CDH13: variants seen among roughly 807,000 people sequenced by gnomAD.
CDH13 encodes cadherin 13.
CDH13 carries 24 observed loss-of-function variants against 63.8 expected under a neutral mutation model. The ratio of observed to expected loss-of-function variants is 0.38; its 90% CI spans 0.27 to 0.53. The LOEUF (loss-of-function observed/expected upper bound fraction) is 0.53, where lower values mean the gene tolerates loss of function less well. Among genes scored for constraint, CDH13 ranks in the 20% least tolerant of loss-of-function variants. CDH13 has a pLI of 0.85. For synonymous variants in CDH13, 503 were observed against 355.3 expected (o/e 1.42, Z -4.67); for missense variants, 1,049 against 903.1 (o/e 1.16, Z -2.07).
At chr16:83,655,771 G>A (rs377610700) in intron 8 of CDH13, among the ~76,000 whole-genome samples, 1 of 152,190 alleles carries the variant, frequency 6.6e-6, no homozygotes, top group Non-Finnish European at 1.5e-5. Context: ...CAGGTGTTCA[G>A]TGGCTTCATT....
chr16:83,709,305 G>A (rs1460010683), intron 10 of CDH13, among the ~76,000 whole-genome samples: 3 of 152,292 alleles, frequency 2.0e-5, no homozygotes, highest in Middle Eastern at 3.4e-3. Flanking sequence ...AATCCACTAG[G>A]TCTGTGGTCT....
chr16:83,573,369 G>A (rs1429011644), intron 7 of CDH13, among the ~76,000 whole-genome samples: 1 of 152,154 alleles, frequency 6.6e-6, no homozygotes, highest in East Asian at 1.9e-4. Flanking sequence ...AAGCCAATGG[G>A]TTCAGCAAAA....
chr16:83,120,162 G>A (rs143254801), intron 3 of CDH13, among the ~76,000 whole-genome samples: 33 of 151,974 alleles, frequency 2.2e-4, no homozygotes, highest in African/African-American at 4.6e-4. Flanking sequence ...TGTTTTTCCC[G>A]AATCAGAGCT....
chr16:83,566,157 T>C (rs1188473984), intron 7 of CDH13, among the ~76,000 whole-genome samples: 1 of 152,148 alleles, frequency 6.6e-6, no homozygotes, highest in African/African-American at 2.4e-5. Context: ...ACCACAGTCC[T>C]CTTCCAATTT....
intron 5 of CDH13, among the ~76,000 whole-genome samples, chr16:83,328,885 C>A (rs564125653): frequency 6.6e-6 from 1 of 152,172 alleles, no homozygotes; most frequent in Admixed American, 6.5e-5. Context: ...GAGCTCCACA[C>A]TAGCAGGGAT....
intron 6 of CDH13, among the ~76,000 whole-genome samples, chr16:83,345,982 T>C (rs143523965): frequency 6.6e-6 from 1 of 152,272 alleles, no homozygotes; most frequent in Non-Finnish European, 1.5e-5. Flanking sequence ...TCTGGAAATG[T>C]TGCCATGGTA....
chr16:83,375,492 G>A (rs2091444357), intron 6 of CDH13, among the ~76,000 whole-genome samples: 1 of 152,140 alleles, frequency 6.6e-6, no homozygotes, highest in Admixed American at 6.5e-5. Flanking sequence ...ATATGTTGGA[G>A]GACTCTGGGA....
chr16:83,096,950 C>T lies in CDH13; in HGVS notation c.367-28435C>T, dbSNP rs567450620. 7.2e-5 allele frequency among the ~76,000 whole-genome samples: 11 copies of T among 152,058 alleles called. No individual in the cohort carries two copies. In the South Asian group the frequency reaches 8.3e-4, roughly 11 times the overall value. ...TCTCATAAAATATTTTTTTTCTGAG[C>T]ACGGTTGAAAATAAAAATATCTTGG... On this transcript the variant is annotated intron_variant, in intron 3 of 13. Coordinates refer to ENST00000567109, the MANE Select transcript of CDH13 (RefSeq NM_001257.5).
In CDH13 at chr16:83,269,268, A is replaced by G. The variant is rs192487374; in HGVS notation, c.636+51771A>G. 1.4e-3 allele frequency among the ~76,000 whole-genome samples: 216 copies of G among 152,108 alleles called. 1 individual carries two copies. Among genetic ancestry groups the G allele is most frequent in the African/African-American group, 5.1e-3 (211 of 41,492 alleles). On this transcript the variant is annotated intron_variant, in intron 5 of 13. Transcript: ENST00000567109. ...GTATCTTATGAGGCCCCTCCCCAGAACTCCTGGAGAGACCTAAAGTGGGGG... is the reference window on the plus strand; with the variant it reads ...GTATCTTATGAGGCCCCTCCCCAGAGCTCCTGGAGAGACCTAAAGTGGGGG...
chr16:82,980,723 T>G (rs1225340761), intron 2 of CDH13, among the ~76,000 whole-genome samples: 13 of 152,232 alleles, frequency 8.5e-5, no homozygotes, highest in Non-Finnish European at 1.8e-4. Context: ...GCCCTCAAAC[T>G]GTGAACTGTA....
chr16:83,492,632 C>G (rs1259557085), intron 7 of CDH13, among the ~76,000 whole-genome samples: 2 of 152,136 alleles, frequency 1.3e-5, no homozygotes, highest in Non-Finnish European at 2.9e-5. Flanking sequence ...TGCACTTGCT[C>G]CGTTGTTTCA....
intron 2 of CDH13, among the ~76,000 whole-genome samples, chr16:83,022,755 C>G (rs1915459908): frequency 6.6e-6 from 1 of 152,218 alleles, no homozygotes; most frequent in East Asian, 1.9e-4. Context: ...GGCCCCACAA[C>G]TTATGTGCAG....
At chr16:83,200,390 A>C (rs1366135515) in intron 4 of CDH13, among the ~76,000 whole-genome samples, 1 of 152,196 alleles carries the variant, frequency 6.6e-6, no homozygotes, top group Non-Finnish European at 1.5e-5. Flanking sequence ...GATGATACCC[A>C]AAACTGTACC....
At chr16:82,676,498 T>C (rs1286278548) in intron 1 of CDH13, among the ~76,000 whole-genome samples, 1 of 149,824 alleles carries the variant, frequency 6.7e-6, no homozygotes, top group Non-Finnish European at 1.5e-5. Flanking sequence ...TTTTTTTTTT[T>C]TTTTTTTTTG....
chr16:82,868,305 A>G (rs930698684), intron 2 of CDH13, among the ~76,000 whole-genome samples: 2 of 152,196 alleles, frequency 1.3e-5, no homozygotes, highest in African/African-American at 2.4e-5. Context: ...CTCAGTAGAA[A>G]TGTTATGCTT....
intron 3 of CDH13, among the ~76,000 whole-genome samples, chr16:83,106,791 A>G (rs1286145071): frequency 6.6e-6 from 1 of 152,146 alleles, no homozygotes; most frequent in African/African-American, 2.4e-5. Flanking sequence ...GTCCACTAAA[A>G]TGCTATTCTG....
intron 1 of CDH13, among the ~76,000 whole-genome samples, chr16:82,711,931 C>T (rs368877726): frequency 1.9e-4 from 29 of 152,302 alleles, no homozygotes; most frequent in Middle Eastern, 3.4e-3. Context: ...AAATCACTTG[C>T]TCCACATCAC....
At chr16:82,881,208 G>A (rs571463797) in intron 2 of CDH13, among the ~76,000 whole-genome samples, 5 of 152,252 alleles carry the variant, frequency 3.3e-5, no homozygotes, top group African/African-American at 9.6e-5. Context: ...AGAGGCTTCC[G>A]TTCGTGTCTC....
chr16:83,283,784 A>G (rs1019368489), intron 5 of CDH13, among the ~76,000 whole-genome samples: 2 of 152,166 alleles, frequency 1.3e-5, no homozygotes, highest in East Asian at 3.9e-4. Flanking sequence ...GAACCCCTGC[A>G]GCATTTACAT....
Sources: allele counts gnomAD v4.1 joint callset (sites outside exome capture counted in the v4.1 genomes callset), GRCh38; gene constraint gnomAD v4.1.1; transcripts MANE v1.5; gene names NCBI Gene and HGNC (gene_info 2026-07-23, HGNC 2026-07-21).